The following ELMO1 variants were observed in gnomAD, a reference collection of about 807,000 sequenced individuals.
The protein encoded by ELMO1 is engulfment and cell motility protein 1.
ELMO1 carries 26 observed loss-of-function variants against 98.9 expected under a neutral mutation model. That is an observed-to-expected ratio of 0.26 (90% CI 0.19 to 0.36). ELMO1 has a LOEUF of 0.36. Ranked by LOEUF, ELMO1 falls within the 10% of genes least tolerant of loss-of-function variation. ELMO1 has a pLI of 1.00. For missense variants in ELMO1, 627 were observed against 935.2 expected, an observed-to-expected ratio of 0.67 and a Z score of 4.30; for synonymous variants, 346 against 346.0, an observed-to-expected ratio of 1.00 and a Z score of 0.00.
chr7:37,168,148 G>T (rs1267675892), intron 13 of ELMO1, among the ~76,000 whole-genome samples: 3 of 152,056 alleles, frequency 2.0e-5, no homozygotes, highest in East Asian at 1.9e-4. Flanking sequence ...TGAGGCTTCT[G>T]CATTCTTCAC....
At chr7:37,242,126 A>G (rs1392975392) in intron 7 of ELMO1, among the ~76,000 whole-genome samples, 1 of 152,132 alleles carries the variant, frequency 6.6e-6, no homozygotes, top group African/African-American at 2.4e-5. Flanking sequence ...TATTTCAGAT[A>G]ACTTATTATC....
At chr7:37,348,280 T>C (rs959788068) in intron 1 of ELMO1, among the ~76,000 whole-genome samples, 6 of 152,126 alleles carry the variant, frequency 3.9e-5, no homozygotes, top group African/African-American at 1.2e-4. Flanking sequence ...ATAATTCTTA[T>C]ACAAACTAAA....
intron 2 of ELMO1, among the ~76,000 whole-genome samples, chr7:37,324,321 A>G (rs1467027425): frequency 6.6e-6 from 1 of 152,114 alleles, no homozygotes; most frequent in African/African-American, 2.4e-5. Context: ...CACCTGTTTT[A>G]GCCACTATGG....
intron 1 of ELMO1, among the ~76,000 whole-genome samples, chr7:37,436,090 T>C (rs1805130096): frequency 6.6e-6 from 1 of 152,240 alleles, no homozygotes; most frequent in Non-Finnish European, 1.5e-5. Context: ...AATTCCCTCA[T>C]CTGTAAAATG....
intron 17 of ELMO1, among the ~76,000 whole-genome samples, chr7:36,889,011 G>A (rs1031556907): frequency 3.9e-5 from 6 of 152,176 alleles, no homozygotes; most frequent in African/African-American, 1.4e-4. Flanking sequence ...CTTACAGAAG[G>A]GGAAACAACT....
chr7:37,383,231 T>G (rs1802649247), intron 1 of ELMO1, among the ~76,000 whole-genome samples: 1 of 152,064 alleles, frequency 6.6e-6, no homozygotes, highest in South Asian at 2.1e-4. Context: ...GGGCATTGAG[T>G]TTTTCTGTGT....
chr7:37,422,971 T>C lies in ELMO1; in HGVS notation c.-74+25704A>G, dbSNP rs74588309. Among the ~76,000 whole-genome samples, 7 of 152,208 alleles carry C rather than the reference T, an allele frequency of 4.6e-5. 1 individual carries two copies. The highest frequency in any genetic ancestry group is 4.6e-4 in the Admixed American group (7 of 15,292). On this transcript the variant is annotated intron_variant, in intron 1 of 21. Coordinates refer to ENST00000310758, the MANE Select transcript of ELMO1 (RefSeq NM_014800.11). ...CTAGAGGTCTGTATTGTTACCCTCA[T>C]TTTACAGATGGGGAATTGAGATTCA...
chr7:36,977,440 T>C (rs1426033536), intron 16 of ELMO1, among the ~76,000 whole-genome samples: 1 of 152,202 alleles, frequency 6.6e-6, no homozygotes, highest in African/African-American at 2.4e-5. Flanking sequence ...ATAGGATTAT[T>C]GTATATTTAC....
At chr7:37,231,423 CA>C (rs1794170252) in intron 8 of ELMO1, among the ~76,000 whole-genome samples, 1 of 152,020 alleles carries the variant, frequency 6.6e-6, no homozygotes, top group Non-Finnish European at 1.5e-5. Context: ...AGTCAGAGGA[CA>C]GTGACATCAT....
chr7:36,974,039 T>C (rs1790256818), intron 16 of ELMO1, among the ~76,000 whole-genome samples: 1 of 152,238 alleles, frequency 6.6e-6, no homozygotes, highest in Non-Finnish European at 1.5e-5. Flanking sequence ...CGTGGGCTCC[T>C]GTGCGTCTGG....
At chr7:36,970,217 A>G (rs540632817) in intron 16 of ELMO1, among the ~76,000 whole-genome samples, 30 of 146,592 alleles carry the variant, frequency 2.0e-4, no homozygotes, top group African/African-American at 5.0e-4. Context: ...ACACACACAC[A>G]CACGCACACC....
intron 13 of ELMO1, among the ~76,000 whole-genome samples, chr7:37,206,825 C>CT (rs200362683): frequency 9.0e-4 from 132 of 146,246 alleles, no homozygotes; most frequent in African/African-American, 2.5e-3. Flanking sequence ...GAAACAATTT[C>CT]TTTTTTTAAA....
intron 19 of ELMO1, among the ~76,000 whole-genome samples, chr7:36,876,483 G>A (rs1161230484): frequency 6.6e-6 from 1 of 151,592 alleles, no homozygotes; most frequent in Admixed American, 6.6e-5. Context: ...ATTAGTGAAA[G>A]CCACATTTGG....
At chr7:36,920,569 T>C (rs1387618411) in intron 16 of ELMO1, among the ~76,000 whole-genome samples, 1 of 152,212 alleles carries the variant, frequency 6.6e-6, no homozygotes, top group African/African-American at 2.4e-5. Flanking sequence ...TTCATGCATA[T>C]ATATGTGCAC....
chr7:37,165,835 G>A (rs1191278546), intron 13 of ELMO1, among the ~76,000 whole-genome samples: 1 of 152,116 alleles, frequency 6.6e-6, no homozygotes, highest in Non-Finnish European at 1.5e-5. Flanking sequence ...TTGGTATCAG[G>A]ATGATGCTGG....
At chr7:37,046,220 A>G (rs1460170145) in intron 15 of ELMO1, among the ~76,000 whole-genome samples, 1 of 152,260 alleles carries the variant, frequency 6.6e-6, no homozygotes, top group East Asian at 1.9e-4. Flanking sequence ...ATGTATAACT[A>G]TCCAGTAATT....
intron 1 of ELMO1, chr7:37,376,105 A>C: frequency 3.0e-6 from 1 of 335,664 alleles, no homozygotes; most frequent in Non-Finnish European, 5.8e-6. Flanking sequence ...AAACAAAAAA[A>C]ACACTGATTC....
chr7:37,116,843 G>A, intron 14 of ELMO1: 1 of 171,188 alleles, frequency 5.8e-6, no homozygotes, highest in East Asian at 1.5e-4. Context: ...AGTACTACAT[G>A]TGCCTCGGCA....
At chr7:37,409,132 G>GGAAA (rs1554307968) in intron 1 of ELMO1, among the ~76,000 whole-genome samples, 6 of 138,430 alleles carry the variant, frequency 4.3e-5, no homozygotes, top group Admixed American at 7.1e-5. Flanking sequence ...TTTTGCAAGT[G>GGAAA]AAAAAAAAAA....
Sources: allele counts gnomAD v4.1 joint callset (sites outside exome capture counted in the v4.1 genomes callset), GRCh38; gene constraint gnomAD v4.1.1; transcripts MANE v1.5; gene names NCBI Gene and HGNC (gene_info 2026-07-23, HGNC 2026-07-21).